HYKK: variants seen among roughly 807,000 people sequenced by gnomAD.
The protein encoded by HYKK is hydroxylysine kinase, also known as 5-hydroxy-L-lysine kinase.
In HYKK, 19 loss-of-function variants were observed where a neutral mutation model predicts 29.7. The observed-to-expected ratio is 0.64, with a 90% CI of 0.45 to 0.94. The LOEUF is 0.94. HYKK is among the 40% of genes least tolerant of loss of function. HYKK has a pLI of 0.00. For synonymous variants in HYKK, 152 were observed against 158.1 expected (o/e 0.96, Z 0.29); for missense variants, 390 against 443.4 (o/e 0.88, Z 1.08).
chr15:78,517,542 G>T (rs150105129), intron 3 of HYKK, among the ~76,000 whole-genome samples: 1,750 of 151,916 alleles, frequency 0.012, 49 homozygotes, highest in African/African-American at 0.039. Flanking sequence ...TTGCACCACT[G>T]CACTCCAATC....
intron 3 of HYKK, among the ~76,000 whole-genome samples, chr15:78,516,485 A>G (rs966311345): frequency 6.6e-6 from 1 of 151,630 alleles, no homozygotes; most frequent in Admixed American, 6.6e-5. Flanking sequence ...AGCTGGGACT[A>G]CAGGCGTGTG....
At chr15:78,529,041 G>A (rs190469069) in intron 4 of HYKK, among the ~76,000 whole-genome samples, 12 of 152,204 alleles carry the variant, frequency 7.9e-5, no homozygotes. Flanking sequence ...GCTTCACTTT[G>A]TGCTTTCTCT....
chr15:78,527,335 T>G, intron 3 of HYKK, 45 bp from the exon 4 acceptor site: 2 of 1,498,668 alleles, frequency 1.3e-6, no homozygotes, highest in Non-Finnish European at 1.8e-6. Flanking sequence ...CTCTCAGCAG[T>G]GGTTGCTCTG....
At chr15:78,508,750 A>C (rs2052039704) in intron 1 of HYKK, among the ~76,000 whole-genome samples, 1 of 152,006 alleles carries the variant, frequency 6.6e-6, no homozygotes, top group Admixed American at 6.6e-5. Flanking sequence ...AATAAAAATA[A>C]TAAAATCAAA....
In HYKK at chr15:78,510,254, C is replaced by G. The variant is rs2052060035; in HGVS notation, c.-6+2583C>G. 2.0e-5 allele frequency among the ~76,000 whole-genome samples: 3 copies of G among 152,008 alleles called. No homozygotes were observed. In the South Asian group the frequency reaches 6.2e-4, roughly 32 times the overall value. On this transcript the variant is annotated intron_variant, in intron 1 of 4. Transcript: ENST00000388988. ...TTGGAGTGAAGTGACGCAGTCTCAT[C>G]TCACTGCAACCTCCACCCCTCTGGG...
chr15:78,517,073 C>T (rs2052141696), intron 3 of HYKK, among the ~76,000 whole-genome samples: 1 of 5,792 alleles, frequency 1.7e-4, no homozygotes, highest in African/African-American at 2.6e-3. Flanking sequence ...TTGCTTGCAT[C>T]AGGTCCTTTT....
In HYKK at chr15:78,533,474, T is replaced by C. The variant is rs2052331950; in HGVS notation, c.926T>C (p.Val309Ala). ...GAGAAGGGTGCTTTGTTTTTACTTG[T>C]ATGCAGTCGTTTTTGTCAGTCACTT... is the stretch of plus-strand genomic sequence containing the variant. ...AVEKGALFLL[V>A]CSRFCQSLVM... Residue 309 changes from valine (V) to alanine (A), a missense_variant, in exon 5 of 5, where the codon GTA becomes GCA. Val to Ala is a moderately conservative substitution (Grantham distance 64). Coordinates refer to ENST00000388988, the MANE Select transcript of HYKK (RefSeq NM_001013619.4). The C allele has an allele frequency of 1.2e-6, 2 of 1,614,228 alleles. No individual in the cohort carries two copies. The highest frequency in any genetic ancestry group is 2.2e-5 in the East Asian group (1 of 44,890).
Position 78,513,385 on chromosome 15 carries a change from TC to T in HYKK, c.298del (p.His100ThrfsTer13). 6.2e-7 allele frequency: 1 copy of T among 1,614,116 alleles called. No homozygotes were observed. The highest frequency in any genetic ancestry group is 8.5e-7 in the Non-Finnish European group (1 of 1,180,014). ...AAGFPTASVC[H>X]TKGDNTASLV... Reference sequence around the variant, plus strand: ...CTGGATTTCCAACAGCCTCTGTGTGTCACACTAAAGGAGACAACACAGCTTC... The same window carrying T: ...CTGGATTTCCAACAGCCTCTGTGTGTACACTAAAGGAGACAACACAGCTTC... On this transcript the variant is annotated frameshift_variant, in exon 2 of 5. Coordinates refer to ENST00000388988, the MANE Select transcript of HYKK (RefSeq NM_001013619.4). LOFTEE classifies it high-confidence loss of function.
intron 4 of HYKK, chr15:78,527,986 T>A (rs897785887): frequency 6.2e-6 from 1 of 160,828 alleles, no homozygotes; most frequent in African/African-American, 2.4e-5. Context: ...TAGTATTCCA[T>A]AGTATGAATA....
rs916326398 is a variant in HYKK, at chr15:78,515,213, T to A, written c.477+106T>A. The A allele has an allele frequency of 2.4e-5, 19 of 794,408 alleles. No individual in the cohort carries two copies. In the African/African-American group the frequency reaches 3.1e-4, roughly 13 times the overall value. The allele number at this position is 794,408 out of a possible 1,614,324, so 49.2% of individuals were successfully genotyped here. A position where few individuals can be genotyped will look rare whatever the true frequency, so the allele number is the denominator to read the frequency against. ...TTCTCTTTTTATGTATGGTGCTACCTAAGGTATGTTATGAAGGGAATGGAG... is the reference window on the plus strand; with the variant it reads ...TTCTCTTTTTATGTATGGTGCTACCAAAGGTATGTTATGAAGGGAATGGAG... On this transcript the variant is annotated intron_variant, in intron 3 of 4. Transcript: ENST00000388988.
chr15:78,527,406 T>C lies in HYKK; in HGVS notation c.504T>C (p.Ser168=). Residue 168 remains serine, a synonymous_variant, in exon 4 of 5, where the codon AGT becomes AGC. Coordinates refer to ENST00000388988, the MANE Select transcript of HYKK (RefSeq NM_001013619.4). ...GATTCCATCACCCAAAGTTAAGTAG[T>C]CTTCATCGGGAGAACTTCATCTGGA... The part of the protein sequence containing the change: ...LQRFHHPKLS[S]LHRENFIWNL... 1 of 1,614,072 alleles carries C rather than the reference T, an allele frequency of 6.2e-7. No individual in the cohort carries two copies. The highest frequency in any genetic ancestry group is 8.5e-7 in the Non-Finnish European group (1 of 1,179,954).
In HYKK at chr15:78,525,305, G is replaced by A. The variant is rs113433688; in HGVS notation, c.478-2075G>A. Among the ~76,000 whole-genome samples, 888 of 136,578 alleles carry A rather than the reference G, an allele frequency of 6.5e-3. 12 individuals are homozygous for A. Among genetic ancestry groups the A allele is most frequent in the African/African-American group, 0.023 (835 of 36,810 alleles). 89.6% of individuals were successfully genotyped at this position (136,578 alleles called of 152,430 possible). A position where few individuals can be genotyped will look rare whatever the true frequency, so the allele number is the denominator to read the frequency against. On this transcript the variant is annotated intron_variant, in intron 3 of 4. Coordinates refer to ENST00000388988, the MANE Select transcript of HYKK (RefSeq NM_001013619.4). ...CAAGTAGCTGGGACTACAGGCACCC[G>A]CCACCACACCCAGCTGATTTTTTGT...
intron 1 of HYKK, among the ~76,000 whole-genome samples, chr15:78,510,997 G>A (rs962667006): frequency 1.4e-5 from 2 of 143,914 alleles, no homozygotes; most frequent in African/African-American, 2.6e-5. Flanking sequence ...ATAGAGAAGC[G>A]GGTCTCATTA....
At chr15:78,519,575 C>T (rs2052170477) in intron 3 of HYKK, among the ~76,000 whole-genome samples, 1 of 152,108 alleles carries the variant, frequency 6.6e-6, no homozygotes, top group Admixed American at 6.5e-5. Flanking sequence ...GCCTGGCCAA[C>T]ATAATGAAAC....
In HYKK at chr15:78,534,940, TG is replaced by T. The variant is rs1222426738; in HGVS notation, c.*1273del. The T allele has an allele frequency of 6.6e-6, 1 of 152,238 alleles. No homozygotes were observed. Among genetic ancestry groups the T allele is most frequent in the African/African-American group, 2.4e-5 (1 of 41,462 alleles). 9.4% of individuals were successfully genotyped at this position (152,238 alleles called of 1,614,324 possible). ...CTTTTTGGATGACTATGAAGTAGAT[TG>T]GGTAGACTGAAGCTCACTGTATTCT... On this transcript the variant is annotated 3_prime_UTR_variant, in exon 5 of 5. Coordinates refer to ENST00000388988, the MANE Select transcript of HYKK (RefSeq NM_001013619.4).
At position 78,512,487 on chromosome 15, in the gene HYKK, G is replaced by A. The variant is rs192895150; in HGVS notation, c.-5-597G>A. On this transcript the variant is annotated intron_variant, in intron 1 of 4. Transcript: ENST00000388988. ...TGCGATCTTGGCTCACTGCAGCCTC[G>A]ACCTCCCATGTTCAAGTGATTCTCC... is the stretch of plus-strand genomic sequence containing the variant. 2.4e-3 allele frequency among the ~76,000 whole-genome samples: 339 copies of A among 142,094 alleles called. 1 individual carries two copies. Among genetic ancestry groups the A allele is most frequent in the Admixed American group, 7.2e-3 (95 of 13,164 alleles). 93.2% of individuals were successfully genotyped at this position (142,094 alleles called of 152,430 possible).
At chr15:78,525,186 C>T (rs1433549686) in intron 3 of HYKK, among the ~76,000 whole-genome samples, 19 of 151,928 alleles carry the variant, frequency 1.3e-4, no homozygotes, top group East Asian at 1.9e-4. Flanking sequence ...GATGGAGTCT[C>T]GCTCTGTCGC....
intron 3 of HYKK, among the ~76,000 whole-genome samples, chr15:78,526,284 GC>G (rs2052253764): frequency 6.6e-6 from 1 of 152,206 alleles, no homozygotes; most frequent in African/African-American, 2.4e-5. Context: ...ACAAAAAACA[GC>G]CCTATCCCTC....
At chr15:78,514,744 C>T (rs970596067) in intron 2 of HYKK, among the ~76,000 whole-genome samples, 1 of 152,158 alleles carries the variant, frequency 6.6e-6, no homozygotes, top group African/African-American at 2.4e-5. Flanking sequence ...ATTCTACCTT[C>T]TTGCTTCATC....
Sources: allele counts gnomAD v4.1 joint callset (sites outside exome capture counted in the v4.1 genomes callset), GRCh38; gene constraint gnomAD v4.1.1; transcripts MANE v1.5; gene names NCBI Gene and HGNC (gene_info 2026-07-23, HGNC 2026-07-21).